SLC8A3: variants seen among roughly 807,000 people sequenced by gnomAD.
The protein encoded by SLC8A3 is sodium/calcium exchanger 3.
In SLC8A3, 37 loss-of-function variants were observed where a neutral mutation model predicts 65.4. That is an observed-to-expected ratio of 0.57 (90% CI 0.44 to 0.74). The LOEUF is 0.74. Among genes scored for constraint, SLC8A3 ranks in the 30% least tolerant of loss-of-function variants. The pLI is 0.00. For synonymous variants in SLC8A3, 461 were observed against 444.5 expected (o/e 1.04, Z -0.47); for missense variants, 1,112 against 1,172.1 (o/e 0.95, Z 0.75).
At chr14:70,184,718 AT>A (rs1594831182) in intron 1 of SLC8A3, among the ~76,000 whole-genome samples, 2 of 152,320 alleles carry the variant, frequency 1.3e-5, no homozygotes, top group East Asian at 3.9e-4. Flanking sequence ...CTAGCTGGTT[AT>A]CCTTGCTGGA....
At position 70,188,488 on chromosome 14, in the gene SLC8A3, C is replaced by G. The variant is rs1883539358; in HGVS notation, c.-172G>C. 6.6e-6 allele frequency: 1 copy of G among 151,976 alleles called. No homozygotes were observed. The highest frequency in any genetic ancestry group is 1.5e-5 in the Non-Finnish European group (1 of 67,980). 9.4% of individuals were successfully genotyped at this position (151,976 alleles called of 1,614,324 possible). A position where few individuals can be genotyped will look rare whatever the true frequency, so the allele number is the denominator to read the frequency against. On this transcript the variant is annotated 5_prime_UTR_variant, in exon 1 of 7. Coordinates refer to ENST00000356921, the MANE Select transcript of SLC8A3 (RefSeq NM_182932.3). ...CGGTCGCAGCGGCTCATCGCCCCCG[C>G]GGGCTGCCCGCCGGCCGCAGCCGCG...
intron 2 of SLC8A3, among the ~76,000 whole-genome samples, chr14:70,150,760 G>A (rs538737371): frequency 1.8e-4 from 27 of 152,304 alleles, no homozygotes; most frequent in African/African-American, 6.5e-4. Flanking sequence ...AAGCTTTAAG[G>A]CACCGAGGAA....
intron 1 of SLC8A3, among the ~76,000 whole-genome samples, chr14:70,174,651 G>GTTTTT (rs1286502376): frequency 0.015 from 1,375 of 90,142 alleles, 61 homozygotes; most frequent in Non-Finnish European, 0.02. Flanking sequence ...GACCAAATCC[G>GTTTTT]TTTTTTTTTT....
chr14:70,114,920 C>T (rs79948846), intron 2 of SLC8A3, among the ~76,000 whole-genome samples: 4,255 of 152,186 alleles, frequency 0.028, 111 homozygotes, highest in South Asian at 0.15. Flanking sequence ...TCTCCCGTGA[C>T]CAGGCAGGGC....
chr14:70,153,664 A>G (rs891973106), intron 2 of SLC8A3, among the ~76,000 whole-genome samples: 1 of 152,036 alleles, frequency 6.6e-6, no homozygotes, highest in African/African-American at 2.4e-5. Flanking sequence ...TGAGCTCCCC[A>G]AATGTCTGCC....
chr14:70,091,097 C>A (rs1891774610), intron 2 of SLC8A3, among the ~76,000 whole-genome samples: 1 of 152,174 alleles, frequency 6.6e-6, no homozygotes, highest in Non-Finnish European at 1.5e-5. Flanking sequence ...CGATAATGTG[C>A]ACTGCTGGGC....
At chr14:70,164,745 C>A (rs1897074948) in intron 2 of SLC8A3, among the ~76,000 whole-genome samples, 1 of 152,150 alleles carries the variant, frequency 6.6e-6, no homozygotes, top group South Asian at 2.1e-4. Flanking sequence ...CAAATTATGG[C>A]AAATTTTGTG....
At chr14:70,160,671 G>T (rs1396160456) in intron 2 of SLC8A3, among the ~76,000 whole-genome samples, 7 of 152,058 alleles carry the variant, frequency 4.6e-5, no homozygotes, top group Non-Finnish European at 1.5e-5. Flanking sequence ...ACTTAGGTAG[G>T]AGAATTGCTG....
At chr14:70,164,766 C>T (rs1897076314) in intron 2 of SLC8A3, among the ~76,000 whole-genome samples, 1 of 152,138 alleles carries the variant, frequency 6.6e-6, no homozygotes, top group Non-Finnish European at 1.5e-5. Context: ...GTCTTAATGT[C>T]ATTTAATGCC....
At chr14:70,137,933 C>A (rs1159420766) in intron 2 of SLC8A3, among the ~76,000 whole-genome samples, 1 of 152,104 alleles carries the variant, frequency 6.6e-6, no homozygotes, top group East Asian at 1.9e-4. Context: ...TCTCCTCATT[C>A]CCATGTCAGG....
intron 2 of SLC8A3, among the ~76,000 whole-genome samples, chr14:70,076,960 T>A (rs1890581003): frequency 6.6e-6 from 1 of 152,208 alleles, no homozygotes; most frequent in South Asian, 2.1e-4. Context: ...AGCCTCAGTT[T>A]CCTTAATCTA....
chr14:70,063,424 G>A (rs1889042939), intron 2 of SLC8A3, among the ~76,000 whole-genome samples: 1 of 152,228 alleles, frequency 6.6e-6, no homozygotes, highest in Non-Finnish European at 1.5e-5. Flanking sequence ...TCTCAGTGCT[G>A]CTCTTCTGTC....
chr14:70,052,642 C>A (rs538987935), intron 3 of SLC8A3, among the ~76,000 whole-genome samples: 2 of 152,086 alleles, frequency 1.3e-5, no homozygotes, highest in Non-Finnish European at 2.9e-5. Flanking sequence ...CTGATGAGTC[C>A]ATTTTAAGAG....
intron 3 of SLC8A3, among the ~76,000 whole-genome samples, chr14:70,053,889 CT>C (rs1403070393): frequency 2.0e-5 from 3 of 152,092 alleles, no homozygotes; most frequent in Admixed American, 6.5e-5. Flanking sequence ...TAATTCCTGC[CT>C]TTTTCTATTT....
chr14:70,174,330 A>G (rs1897733806), intron 1 of SLC8A3, among the ~76,000 whole-genome samples: 1 of 152,206 alleles, frequency 6.6e-6, no homozygotes, highest in African/African-American at 2.4e-5. Context: ...CGCCTCAATG[A>G]GGTGTGAGAC....
At chr14:70,150,640 C>T (rs1566813455) in intron 2 of SLC8A3, among the ~76,000 whole-genome samples, 2 of 152,144 alleles carry the variant, frequency 1.3e-5, no homozygotes, top group Non-Finnish European at 2.9e-5. Flanking sequence ...CTTAGGTTGG[C>T]CTTGACATCT....
chr14:70,188,424 G>C lies in SLC8A3; in HGVS notation c.-108C>G, dbSNP rs1883531356. ...AGCGGAGTGGGCAAGGGAGGGGGGTGAGGAAGGTACGCGATGCCCCCGCCG... is the reference window on the plus strand; with the variant it reads ...AGCGGAGTGGGCAAGGGAGGGGGGTCAGGAAGGTACGCGATGCCCCCGCCG... On this transcript the variant is annotated 5_prime_UTR_variant, in exon 1 of 7. Transcript: ENST00000356921. 6.6e-6 allele frequency: 1 copy of C among 152,162 alleles called. No individual in the cohort carries two copies. The highest frequency in any genetic ancestry group is 2.4e-5 in the African/African-American group (1 of 41,452). 9.4% of individuals were successfully genotyped at this position (152,162 alleles called of 1,614,324 possible).
chr14:70,171,730 G>A (rs1025215216), intron 1 of SLC8A3, among the ~76,000 whole-genome samples: 2 of 152,190 alleles, frequency 1.3e-5, no homozygotes, highest in African/African-American at 4.8e-5. Context: ...AACTCAGGAG[G>A]CTGAGGTTGC....
Position 70,045,950 on chromosome 14 carries a change from G to T in SLC8A3, c.2763C>A (p.Phe921Leu). 1 of 1,588,874 alleles carries T rather than the reference G, an allele frequency of 6.3e-7. No homozygotes were observed. Among genetic ancestry groups the T allele is most frequent in the South Asian group, 1.1e-5 (1 of 88,510 alleles). ...TLEAYCYIKG[F>L] is the part of the protein sequence containing the mutation. ...GCTGGAGGCTCTGTTGTGTGGCTTA[G>T]AACCCCTTGATGTAGCAATAGGCCT... The change falls in exon 7 of 7, where the codon TTC becomes TTA. Residue 921 changes from phenylalanine (F) to leucine (L), a missense_variant. By Grantham distance (22) the Phe-to-Leu change is conservative. Transcript: ENST00000356921.
Sources: gnomAD v4.1 joint callset for allele counts (sites outside exome capture counted in the v4.1 genomes callset) on GRCh38, gnomAD v4.1.1 for gene constraint, MANE v1.5 for transcripts, NCBI Gene and HGNC (gene_info 2026-07-23, HGNC 2026-07-21) for gene names.